The following VSIG1 variants were observed in gnomAD, a reference collection of about 807,000 sequenced individuals.
VSIG1 encodes the protein V-set and immunoglobulin domain-containing protein 1.
In VSIG1, 11 loss-of-function variants were observed where a neutral mutation model predicts 20.1. The observed-to-expected ratio is 0.55, with a 90% CI of 0.34 to 0.91. The LOEUF (loss-of-function observed/expected upper bound fraction) is 0.91. Ranked by LOEUF, VSIG1 falls within the 40% of genes least tolerant of loss-of-function variation. The pLI, the probability that VSIG1 is intolerant of heterozygous loss-of-function variation, is 0.02. For missense variants in VSIG1, 283 were observed against 298.8 expected (o/e 0.95, Z 0.39); for synonymous variants, 126 against 116.7 (o/e 1.08, Z -0.52).
At chrX:108,063,306 A>G (rs1216882288) in intron 2 of VSIG1, among the ~76,000 whole-genome samples, 1 of 111,554 alleles carries the variant, frequency 9.0e-6, no homozygotes, top group Non-Finnish European at 1.9e-5. Context: ...GTGCCATCTT[A>G]ATATATTCAG....
chrX:108,062,763 C>A (rs2031053284), intron 2 of VSIG1, among the ~76,000 whole-genome samples: 2 of 111,769 alleles, frequency 1.8e-5, no homozygotes, highest in Admixed American at 1.9e-4. Context: ...TATACCTGCA[C>A]ACCCCTTCCC....
At chrX:108,036,798 T>C in the VSIG1 span, among the ~76,000 whole-genome samples, 3 of 112,217 alleles carry the variant, frequency 2.7e-5, no homozygotes, top group Admixed American at 1.9e-4. Context: ...CCCAGTAAGA[T>C]GTCCAGAGGG....
intron 6 of VSIG1, among the ~76,000 whole-genome samples, chrX:108,076,576 C>T (rs1289246356): frequency 6.2e-5 from 7 of 112,217 alleles, no homozygotes; most frequent in African/African-American, 2.3e-4. Context: ...GCCCAGGGAA[C>T]ACAGAAGTTA....
chrX:108,021,665 C>T, the VSIG1 span, among the ~76,000 whole-genome samples: 1 of 112,299 alleles, frequency 8.9e-6, no homozygotes, highest in Non-Finnish European at 1.9e-5. Context: ...ATGTTTTCTT[C>T]TGATAATTTT....
rs149280680 is a variant in VSIG1 at position 108,056,899 on chromosome X, G to A, written c.50-1139G>A. On this transcript the variant is annotated intron_variant, in intron 1 of 6. Coordinates refer to ENST00000217957, the MANE Select transcript of VSIG1 (RefSeq NM_182607.5). Reference sequence around the variant, plus strand: ...AGCAATTGCACTGTTGGGCATTTGTGCCAGAGAAATAAAAATTTATGTTCA... The same window carrying A: ...AGCAATTGCACTGTTGGGCATTTGTACCAGAGAAATAAAAATTTATGTTCA... 8.5e-4 allele frequency among the ~76,000 whole-genome samples: 95 copies of A among 112,165 alleles called. 1 individual carries two copies. The East Asian group carries it at 0.025, about 29-fold the overall frequency.
At chrX:108,030,587 T>C in the VSIG1 span, among the ~76,000 whole-genome samples, 1 of 112,368 alleles carries the variant, frequency 8.9e-6, no homozygotes, top group Admixed American at 9.4e-5. Flanking sequence ...TCAGTTGATG[T>C]GCATCAGGGA....
At chrX:108,028,296 G>A in the VSIG1 span, among the ~76,000 whole-genome samples, 9 of 110,543 alleles carry the variant, frequency 8.1e-5, no homozygotes, top group Non-Finnish European at 1.7e-4. Context: ...TGGGCCTAAG[G>A]AAACAGTAAT....
the VSIG1 span, among the ~76,000 whole-genome samples, chrX:108,019,372 T>TA: frequency 1.8e-5 from 2 of 112,340 alleles, no homozygotes; most frequent in Admixed American, 1.9e-4. Flanking sequence ...GCTTCAACCC[T>TA]GCCCCCCCGT....
chrX:108,056,096 A>G (rs2030891881), intron 1 of VSIG1, among the ~76,000 whole-genome samples: 1 of 111,864 alleles, frequency 8.9e-6, no homozygotes. Context: ...TAAGGACAAC[A>G]GTCATTGAAT....
At chrX:108,035,184 C>A in the VSIG1 span, among the ~76,000 whole-genome samples, 82 of 111,223 alleles carry the variant, frequency 7.4e-4, no homozygotes, top group East Asian at 0.021. Context: ...CTGAAACCTC[C>A]GCTTCCTGGG....
chrX:108,050,209 T>C (rs950758523), intron 1 of VSIG1, among the ~76,000 whole-genome samples: 8 of 112,377 alleles, frequency 7.1e-5, no homozygotes, highest in African/African-American at 2.6e-4. Context: ...ATCCTTTAAG[T>C]TCTTTTTGTC....
intron 1 of VSIG1, among the ~76,000 whole-genome samples, chrX:108,047,845 C>CACAT (rs1437963501): frequency 3.7e-5 from 1 of 27,104 alleles, no homozygotes. Flanking sequence ...TATATATATA[C>CACAT]ATATATATAT....
rs183958593 is a variant in VSIG1 at position 108,047,843 on chromosome X, T to C, written c.49+2664T>C. On this transcript the variant is annotated intron_variant, in intron 1 of 6. Transcript: ENST00000217957. ...ATACATATATATACACATATATATA[T>C]ACATATATATATACACATATATATA... Among the ~76,000 whole-genome samples, 183 of 33,774 alleles carry C rather than the reference T, an allele frequency of 5.4e-3. 6 individuals carry two copies. Among genetic ancestry groups the C allele is most frequent in the Non-Finnish European group, 6.9e-3 (120 of 17,355 alleles). 29.3% of individuals were successfully genotyped at this position (33,774 alleles called of 115,157 possible).
At position 108,067,084 on chromosome X, in the gene VSIG1, C is replaced by T. The variant is rs202139574; in HGVS notation, c.362C>T (p.Pro121Leu). Reference protein sequence around the residue: ...SGIYICDVNNPPDFLGQNQGI... With the variant: ...SGIYICDVNNLPDFLGQNQGI... The stretch of plus-strand genomic sequence containing the variant: ...ATTTACATCTGCGATGTTAACAACC[C>T]CCCAGACTTTCTCGGCCAAAACCAA... Residue 121 changes from proline (P) to leucine (L), a missense_variant, in exon 3 of 7, where the codon CCC becomes CTC. Pro to Leu is a moderately conservative substitution (Grantham distance 98, BLOSUM62 -3). Transcript: ENST00000217957. The T allele has an allele frequency of 8.3e-7, 1 of 1,211,366 alleles. No homozygotes were observed. The highest frequency in any genetic ancestry group is 1.8e-5 in the South Asian group (1 of 56,949).
In VSIG1 at chrX:108,077,109, C is replaced by A; in HGVS notation, c.892C>A (p.Gln298Lys). The A allele has an allele frequency of 8.3e-7, 1 of 1,211,848 alleles. No individual in the cohort carries two copies. The highest frequency in any genetic ancestry group is 1.8e-5 in the South Asian group (1 of 56,964). Reference protein sequence around the residue: ...SEAMPREDATQLEVTLPSSIH... With the variant: ...SEAMPREDATKLEVTLPSSIH... ...AGCAATGCCAAGAGAAGACGCTACC[C>A]AACTAGAAGTAACTCTACCATCTTC... is the stretch of plus-strand genomic sequence containing the variant. Residue 298 changes from glutamine (Q) to lysine (K), a missense_variant, in exon 7 of 7, where the codon CAA becomes AAA. Gln to Lys is a moderately conservative substitution (Grantham distance 53). Coordinates refer to ENST00000217957, the MANE Select transcript of VSIG1 (RefSeq NM_182607.5).
chrX:108,025,847 C>T, the VSIG1 span, among the ~76,000 whole-genome samples: 3 of 112,579 alleles, frequency 2.7e-5, no homozygotes, highest in Admixed American at 1.9e-4. Context: ...GGAACAACTT[C>T]TGGCTATCCA....
upstream of VSIG1, chrX:108,045,002 G>A: frequency 2.4e-6 from 1 of 422,031 alleles, no homozygotes; most frequent in South Asian, 8.3e-5. Flanking sequence ...GCCCAAAGAG[G>A]CATGTTTGCT....
chrX:108,045,246 C>G, intron 1 of VSIG1, 67 bp downstream of exon 1: 1 of 929,383 alleles, frequency 1.1e-6, no homozygotes, highest in Non-Finnish European at 1.5e-6. Context: ...ATAAAAATTC[C>G]ACATTTTTAC....
At chrX:108,038,274 C>T in the VSIG1 span, among the ~76,000 whole-genome samples, 50 of 110,910 alleles carry the variant, frequency 4.5e-4, no homozygotes, top group African/African-American at 1.5e-3. Flanking sequence ...GTGACAGGCC[C>T]GGTGTGTGTT....
Sources: allele counts gnomAD v4.1 joint callset (sites outside exome capture counted in the v4.1 genomes callset), GRCh38; gene constraint gnomAD v4.1.1; transcripts MANE v1.5; gene names NCBI Gene and HGNC (gene_info 2026-07-23, HGNC 2026-07-21).